KRT82: variants seen among roughly 807,000 people sequenced by gnomAD.
The protein encoded by KRT82 is keratin 82.
A neutral mutation model predicts 48.0 loss-of-function variants in KRT82; 44 were observed. The observed-to-expected ratio is 0.92, with a 90% CI of 0.72 to 1.18. The LOEUF (loss-of-function observed/expected upper bound fraction) is 1.18. Ranked by LOEUF, KRT82 falls within the 50% of genes most tolerant of loss-of-function variation. The probability of loss-of-function intolerance (pLI) is 0.00; values close to 1 mark genes in which losing one functional copy is unlikely to be tolerated. For missense variants in KRT82, 701 were observed against 671.4 expected, an observed-to-expected ratio of 1.04 and a Z score of -0.49; for synonymous variants, 297 against 278.3, an observed-to-expected ratio of 1.07 and a Z score of -0.67.
intron 3 of KRT82, among the ~76,000 whole-genome samples, chr12:52,400,845 C>T (rs991230788): frequency 2.0e-5 from 3 of 152,180 alleles, no homozygotes; most frequent in Admixed American, 2.0e-4. Context: ...CTTAAATGAG[C>T]CTTAGCAGCA....
Position 52,400,519 on chromosome 12 carries a change from G to A in KRT82, c.777+8C>T. The A allele has an allele frequency of 6.2e-7, 1 of 1,608,032 alleles. No homozygotes were observed. Among genetic ancestry groups the A allele is most frequent in the South Asian group, 1.1e-5 (1 of 90,956 alleles). On this transcript the variant is annotated splice_region_variant and intron_variant, in intron 4 of 8. Coordinates refer to ENST00000257974, the MANE Select transcript of KRT82 (RefSeq NM_033033.4). ...TGACTAACCACCCAAGGTCAGGGCT[G>A]TGGGTACCTCCTCATACAGGCTTTT...
chr12:52,405,199 G>T (rs570153116), intron 1 of KRT82, among the ~76,000 whole-genome samples: 30 of 152,182 alleles, frequency 2.0e-4, no homozygotes, highest in African/African-American at 7.0e-4. Context: ...CTATACTGTA[G>T]ATGTGGGAAT....
In KRT82 at chr12:52,396,243, G is replaced by C; in HGVS notation, c.1069-11C>G. ...CTCAAGTTTGCAGCGCTGTGGGAGG[G>C]GCGCAGAAAAGCATCACTGGGGGCC... is the stretch of plus-strand genomic sequence containing the variant. On this transcript the variant is annotated splice_polypyrimidine_tract_variant and intron_variant, in intron 6 of 8. Transcript: ENST00000257974. 2.5e-6 allele frequency: 4 copies of C among 1,606,698 alleles called. No individual in the cohort carries two copies. The highest frequency in any genetic ancestry group is 3.4e-6 in the Non-Finnish European group (4 of 1,177,892).
At chr12:52,398,481 CTT>C (rs57713227) in intron 5 of KRT82, among the ~76,000 whole-genome samples, 12 of 141,348 alleles carry the variant, frequency 8.5e-5, no homozygotes, top group Admixed American at 1.4e-4. Flanking sequence ...TCAATTTTAA[CTT>C]TTTTTTTTTT....
chr12:52,395,853 T>A, intron 7 of KRT82, 63 bp from the exon 8 acceptor site: 11 of 1,460,946 alleles, frequency 7.5e-6, no homozygotes, highest in Non-Finnish European at 1.0e-5. Context: ...AAATGCAGCA[T>A]CTCCCCGCTC....
At chr12:52,403,343 G>A (rs1393983150) in intron 2 of KRT82, among the ~76,000 whole-genome samples, 4 of 152,184 alleles carry the variant, frequency 2.6e-5, no homozygotes, top group African/African-American at 9.7e-5. Context: ...GAGGGAAGAG[G>A]CCTGGGGATC....
chr12:52,394,688 G>T lies in KRT82; in HGVS notation c.*287C>A, dbSNP rs752251753. 32 of 493,008 alleles carry T rather than the reference G, an allele frequency of 6.5e-5. No homozygotes were observed. Among genetic ancestry groups the T allele is most frequent in the Non-Finnish European group, 1.0e-4 (27 of 270,192 alleles). 30.5% of individuals were successfully genotyped at this position (493,008 alleles called of 1,614,324 possible). A position where few individuals can be genotyped will look rare whatever the true frequency, so the allele number is the denominator to read the frequency against. On this transcript the variant is annotated 3_prime_UTR_variant, in exon 9 of 9. Transcript: ENST00000257974. ...GGTGTGCCCATTTGACCTTTTGGGG[G>T]TTATTGCCATTCTGCGGTTAAGAGC...
At chr12:52,396,745 T>C in intron 6 of KRT82, 138 bp downstream of exon 6, 2 of 949,578 alleles carry the variant, frequency 2.1e-6, no homozygotes, top group Non-Finnish European at 1.6e-6. Context: ...AGGGCTTGCT[T>C]CTGCTTGAGC....
rs761819168 is a variant in KRT82, at chr12:52,395,214, G to C, written c.1322-19C>G. ...CTCACTGCTGTGGGAACAGGAAGGG[G>C]TGCTCAGGGCCCCACACGGTGTGGC... On this transcript the variant is annotated intron_variant, in intron 8 of 8. Coordinates refer to ENST00000257974, the MANE Select transcript of KRT82 (RefSeq NM_033033.4). 1 of 1,606,654 alleles carries C rather than the reference G, an allele frequency of 6.2e-7. No homozygotes were observed. Among genetic ancestry groups the C allele is most frequent in the Non-Finnish European group, 8.5e-7 (1 of 1,175,024 alleles).
At chr12:52,400,176 A>G (rs1177208695) in intron 4 of KRT82, 27 bp from the exon 5 acceptor site, 1 of 1,601,504 alleles carries the variant, frequency 6.2e-7, no homozygotes, top group Non-Finnish European at 8.5e-7. Flanking sequence ...TGTGAGAAGG[A>G]GTGAGCTCTC....
rs1373720014 is a variant in KRT82, at chr12:52,394,931, G to A, written c.*44C>T. On this transcript the variant is annotated 3_prime_UTR_variant, in exon 9 of 9. Coordinates refer to ENST00000257974, the MANE Select transcript of KRT82 (RefSeq NM_033033.4). ...GCCCTGGTGGGAGTGTGACATCCAG[G>A]GCCATGGGGCAGGGGCTCTGTCTCC... 6.5e-7 allele frequency: 1 copy of A among 1,539,020 alleles called. No homozygotes were observed. Among genetic ancestry groups the A allele is most frequent in the Non-Finnish European group, 9.0e-7 (1 of 1,112,794 alleles).
In KRT82 at chr12:52,405,861, C is replaced by A. The variant is rs746096093; in HGVS notation, c.411+6G>T. 1 of 1,606,640 alleles carries A rather than the reference C, an allele frequency of 6.2e-7. No homozygotes were observed. Among genetic ancestry groups the A allele is most frequent in the Non-Finnish European group, 8.5e-7 (1 of 1,175,508 alleles). ...CTCTCACGGCCCTGGGCCACTGCCC[C>A]CTTACCTTGTTGATGAAAGATGCGA... On this transcript the variant is annotated splice_donor_region_variant and intron_variant, in intron 1 of 8. Coordinates refer to ENST00000257974, the MANE Select transcript of KRT82 (RefSeq NM_033033.4).
At chr12:52,395,337 G>T (rs1565780611) in intron 8 of KRT82, 142 bp from the exon 9 acceptor site, 2 of 679,672 alleles carry the variant, frequency 2.9e-6, no homozygotes, top group African/African-American at 1.8e-5. Context: ...CAGCCTCCGC[G>T]TCTCCCACCC....
intron 5 of KRT82, among the ~76,000 whole-genome samples, chr12:52,398,606 C>A (rs1404008193): frequency 6.6e-6 from 1 of 151,730 alleles, no homozygotes; most frequent in Non-Finnish European, 1.5e-5. Flanking sequence ...CTGAACCCAA[C>A]ATGGCTGATG....
chr12:52,400,753 G>A (rs1243430472), intron 3 of KRT82, 131 bp from the exon 4 acceptor site: 1 of 657,048 alleles, frequency 1.5e-6, no homozygotes, highest in Non-Finnish European at 2.7e-6. Context: ...TGGAGCCGAG[G>A]TGGGGAAAAA....
chr12:52,402,990 G>T (rs1276471394), intron 2 of KRT82, among the ~76,000 whole-genome samples: 1 of 152,210 alleles, frequency 6.6e-6, no homozygotes, highest in African/African-American at 2.4e-5. Context: ...TTCCCATGGG[G>T]CACTCAGCCC....
At chr12:52,395,704 G>A in intron 8 of KRT82, 55 bp downstream of exon 8, 1 of 1,376,686 alleles carries the variant, frequency 7.3e-7, no homozygotes, top group East Asian at 2.3e-5. Flanking sequence ...TGCCTGTGTT[G>A]GGGTGATCAA....
chr12:52,405,996 A>G lies in KRT82; in HGVS notation c.282T>C (p.Pro94=). The change falls in exon 1 of 9, where the codon CCT becomes CCC. Residue 94 remains proline, a synonymous_variant. Transcript: ENST00000257974. ...CCAGCAGGCTCTCATTGATGGTGAC[A>G]GGGGTGATGCAGGCAGAAGGCCCAC... ...ATCGPSACIT[P]VTINESLLVP... is the part of the protein sequence containing the mutation. 1.2e-6 allele frequency: 2 copies of G among 1,614,228 alleles called. No individual in the cohort carries two copies. Among genetic ancestry groups the G allele is most frequent in the Non-Finnish European group, 8.5e-7 (1 of 1,180,042 alleles).
chr12:52,400,228 C>T, intron 4 of KRT82, 79 bp from the exon 5 acceptor site: 5 of 1,413,254 alleles, frequency 3.5e-6, no homozygotes, highest in Non-Finnish European at 4.9e-6. Context: ...CCGTTCTGAC[C>T]TTCCCAGAGC....
Sources: gnomAD v4.1 joint callset for allele counts (sites outside exome capture counted in the v4.1 genomes callset) on GRCh38, gnomAD v4.1.1 for gene constraint, MANE v1.5 for transcripts, NCBI Gene and HGNC (gene_info 2026-07-23, HGNC 2026-07-21) for gene names.